The following SLC5A5 variants were observed in gnomAD, a reference collection of about 807,000 sequenced individuals.
SLC5A5 encodes sodium/iodide cotransporter.
In SLC5A5, 56 loss-of-function variants were observed where a neutral mutation model predicts 68.6. The observed-to-expected ratio is 0.82, with a 90% CI of 0.66 to 1.02. SLC5A5 has a LOEUF of 1.02. Ranked by LOEUF, SLC5A5 falls within the 50% of genes least tolerant of loss-of-function variation. The probability of loss-of-function intolerance (pLI) is 0.00; values close to 1 mark genes in which losing one functional copy is unlikely to be tolerated. For synonymous variants in SLC5A5, 398 were observed against 373.0 expected (o/e 1.07, Z -0.77); for missense variants, 807 against 859.8 (o/e 0.94, Z 0.77).
Position 17,883,732 on chromosome 19 carries a change from A to G in SLC5A5, c.1294A>G (p.Ile432Val), listed in dbSNP as rs778575428. 1 of 1,576,362 alleles carries G rather than the reference A, an allele frequency of 6.3e-7. No homozygotes were observed. Among genetic ancestry groups the G allele is most frequent in the East Asian group, 2.4e-5 (1 of 41,734 alleles). ...VISGPLLGAF[I>V]LGMFLPACNT... ...CAGCGGCCCCCTGCTGGGAGCCTTC[A>G]TCTTGGGAATGTTCCTGCCGGCCTG... Residue 432 changes from isoleucine (I) to valine (V), a missense_variant, in exon 11 of 15, where the codon ATC becomes GTC. Coordinates refer to ENST00000222248, the MANE Select transcript of SLC5A5 (RefSeq NM_000453.3).
At chr19:17,892,039 T>A (rs2030193133) in intron 14 of SLC5A5, among the ~76,000 whole-genome samples, 1 of 152,176 alleles carries the variant, frequency 6.6e-6, no homozygotes, top group African/African-American at 2.4e-5. Flanking sequence ...AGCTCACGCC[T>A]GTAATCCCAG....
Position 17,884,059 on chromosome 19 carries a change from G to T in SLC5A5, c.1526+13G>T. On this transcript the variant is annotated intron_variant, in intron 12 of 14. Coordinates refer to ENST00000222248, the MANE Select transcript of SLC5A5 (RefSeq NM_000453.3). ...GCAGGGCCCCCAGGTGAGCAGACTT[G>T]AGGGTAGGGGGGTACCCGAGCCCTG... The T allele has an allele frequency of 1.3e-6, 2 of 1,551,480 alleles. No individual in the cohort carries two copies. The highest frequency in any genetic ancestry group is 2.4e-5 in the East Asian group (1 of 42,182).
Position 17,877,816 on chromosome 19 carries a change from GC to G in SLC5A5, c.793del (p.Gln265ArgfsTer27). On this transcript the variant is annotated frameshift_variant, in exon 6 of 15. Transcript: ENST00000222248. Reference sequence around the variant, plus strand: ...TCTCCATGTATGGCGTGAACCAGGCGCAGGTGCAGCGCTACGTGGCTTGCCG... The same window carrying G: ...TCTCCATGTATGGCGTGAACCAGGCGAGGTGCAGCGCTACGTGGCTTGCCG... ...WLSMYGVNQA[Q>X]VQRYVACRTE... The G allele has an allele frequency of 6.2e-7, 1 of 1,614,206 alleles. No individual in the cohort carries two copies. The highest frequency in any genetic ancestry group is 8.5e-7 in the Non-Finnish European group (1 of 1,180,032).
At chr19:17,879,679 T>G (rs1442745312) in intron 7 of SLC5A5, among the ~76,000 whole-genome samples, 2 of 152,170 alleles carry the variant, frequency 1.3e-5, no homozygotes, top group Admixed American at 6.6e-5. Context: ...CAGTCCTCCC[T>G]GGAGGTCAGA....
In SLC5A5 at chr19:17,877,767, T is replaced by C. The variant is rs545753923; in HGVS notation, c.743T>C (p.Val248Ala). 5.3e-5 allele frequency: 86 copies of C among 1,614,254 alleles called. No homozygotes were observed. The South Asian group carries it at 8.7e-4, about 16-fold the overall frequency. The part of the protein sequence containing the change: ...PRSRYTFWTF[V>A]VGGTLVWLSM... ...AGCCGCTATACATTCTGGACTTTTGTGGTGGGTGGCACGTTGGTGTGGCTC... is the reference window on the plus strand; with the variant it reads ...AGCCGCTATACATTCTGGACTTTTGCGGTGGGTGGCACGTTGGTGTGGCTC... Residue 248 changes from valine to alanine, a missense_variant, in exon 6 of 15, where the codon GTG becomes GCG. Coordinates refer to ENST00000222248, the MANE Select transcript of SLC5A5 (RefSeq NM_000453.3).
At chr19:17,892,865 G>C (rs2030242862) in intron 14 of SLC5A5, among the ~76,000 whole-genome samples, 2 of 152,064 alleles carry the variant, frequency 1.3e-5, no homozygotes, top group Non-Finnish European at 1.5e-5. Context: ...ACCAGCCACA[G>C]ACAGGAACAG....
intron 12 of SLC5A5, among the ~76,000 whole-genome samples, chr19:17,884,510 A>C (rs1175041819): frequency 6.6e-6 from 1 of 151,628 alleles, no homozygotes; most frequent in Non-Finnish European, 1.5e-5. Context: ...AGTGGCTCAC[A>C]CCTGTAATCC....
rs1450971221 is a variant in SLC5A5 at position 17,874,514 on chromosome 19, A to C, written c.444A>C (p.Val148=). 6.2e-7 allele frequency: 1 copy of C among 1,613,908 alleles called. No individual in the cohort carries two copies. The highest frequency in any genetic ancestry group is 8.5e-7 in the Non-Finnish European group (1 of 1,179,986). ...TACAGATGCTGTACACCGGCATCGTAATCTACGCACCGGCCCTCATCCTGA... is the reference window on the plus strand; with the variant it reads ...TACAGATGCTGTACACCGGCATCGTCATCTACGCACCGGCCCTCATCCTGA... ...IVATMLYTGI[V]IYAPALILNQ... The change falls in exon 3 of 15, where the codon GTA becomes GTC. Residue 148 remains valine, a synonymous_variant. Coordinates refer to ENST00000222248, the MANE Select transcript of SLC5A5 (RefSeq NM_000453.3).
Position 17,872,614 on chromosome 19 carries a change from G to A in SLC5A5, c.295G>A (p.Val99Ile). The A allele has an allele frequency of 6.2e-7, 1 of 1,612,186 alleles. No individual in the cohort carries two copies. The highest frequency in any genetic ancestry group is 8.5e-7 in the Non-Finnish European group (1 of 1,179,850). Residue 99 changes from valine (V) to isoleucine (I), a missense_variant, in exon 1 of 15, where the codon GTC becomes ATC. Val to Ile is a conservative substitution (Grantham distance 29). Transcript: ENST00000222248. ...GTGCCTGGGCCAGCTTCTGAACTCGGTCCTCACCGCCCTGCTCTTCATGCC... is the reference window on the plus strand; with the variant it reads ...GTGCCTGGGCCAGCTTCTGAACTCGATCCTCACCGCCCTGCTCTTCATGCC... Reference protein sequence around the residue: ...WMCLGQLLNSVLTALLFMPVF... With the variant: ...WMCLGQLLNSILTALLFMPVF...
chr19:17,878,848 G>A (rs1180602358), intron 7 of SLC5A5, among the ~76,000 whole-genome samples: 1 of 151,046 alleles, frequency 6.6e-6, no homozygotes, highest in African/African-American at 2.4e-5. Context: ...GGTGATGCAT[G>A]CCTGTAATCC....
At chr19:17,877,888 G>A (rs371192730) in intron 6 of SLC5A5, 25 bp downstream of exon 6, 32 of 1,613,874 alleles carry the variant, frequency 2.0e-5, no homozygotes, top group East Asian at 4.5e-5. Flanking sequence ...GAGCAAGGTC[G>A]GGGTTTCTGG....
intron 13 of SLC5A5, among the ~76,000 whole-genome samples, chr19:17,890,369 C>G (rs1004299207): frequency 1.3e-5 from 2 of 152,088 alleles, no homozygotes; most frequent in African/African-American, 2.4e-5. Flanking sequence ...CGTGCCCAAC[C>G]TCCAATGATG....
In SLC5A5 at chr19:17,893,944, G is replaced by A; in HGVS notation, c.*67G>A. ...TCAGGATGGGCCAAACCCAGACAAC[G>A]GGCCCATGGCCTTGGGCTCTGATTG... On this transcript the variant is annotated 3_prime_UTR_variant, in exon 15 of 15. Transcript: ENST00000222248. The A allele has an allele frequency of 2.8e-6, 4 of 1,447,394 alleles. No homozygotes were observed. The highest frequency in any genetic ancestry group is 4.9e-5 in the East Asian group (2 of 40,432). 89.7% of individuals were successfully genotyped at this position (1,447,394 alleles called of 1,614,324 possible). A position where few individuals can be genotyped will look rare whatever the true frequency, so the allele number is the denominator to read the frequency against.
At chr19:17,889,282 C>T (rs1181681849) in intron 13 of SLC5A5, among the ~76,000 whole-genome samples, 1 of 151,772 alleles carries the variant, frequency 6.6e-6, no homozygotes, top group Non-Finnish European at 1.5e-5. Flanking sequence ...GCCTGTAATG[C>T]CAGCTACTTG....
chr19:17,888,356 G>T lies in SLC5A5; in HGVS notation c.1552G>T (p.Ala518Ser), dbSNP rs147583297. 6 of 1,613,760 alleles carry T rather than the reference G, an allele frequency of 3.7e-6. No homozygotes were observed. In the South Asian group the frequency reaches 5.5e-5, roughly 15 times the overall value. Residue 518 changes from alanine (A) to serine (S), a missense_variant, in exon 13 of 15, where the codon GCC (alanine) becomes TCC (serine). Coordinates refer to ENST00000222248, the MANE Select transcript of SLC5A5 (RefSeq NM_000453.3). ...CTCAGGAATGGACGCCAGCCGACCC[G>T]CCTTAGCTGACAGCTTCTATGCCAT... ...PSSGMDASRPALADSFYAISY... is the reference protein window; with the variant it reads ...PSSGMDASRPSLADSFYAISY...
rs1044005250 is a variant in SLC5A5, at chr19:17,894,111, C to T, written c.*234C>T. On this transcript the variant is annotated 3_prime_UTR_variant, in exon 15 of 15. Coordinates refer to ENST00000222248, the MANE Select transcript of SLC5A5 (RefSeq NM_000453.3). ...ATTAGACGCTGCAGCCCTGACGGCT[C>T]CCCCCAAATAAGGCTGGGTTTTTCT... 7.6e-6 allele frequency: 4 copies of T among 523,270 alleles called. No homozygotes were observed. Among genetic ancestry groups the T allele is most frequent in the African/African-American group, 5.8e-5 (3 of 51,468 alleles). The allele number at this position is 523,270 out of a possible 1,614,324, so 32.4% of individuals were successfully genotyped here. A position where few individuals can be genotyped will look rare whatever the true frequency, so the allele number is the denominator to read the frequency against.
chr19:17,883,553 CTG>C (rs1296265686), intron 10 of SLC5A5, 126 bp from the exon 11 acceptor site: 5 of 814,330 alleles, frequency 6.1e-6, no homozygotes, highest in African/African-American at 1.7e-5. Flanking sequence ...TTTAGGGAAA[CTG>C]AGACACAGAG....
chr19:17,878,474 C>T (rs1335497931), intron 7 of SLC5A5, among the ~76,000 whole-genome samples: 1 of 151,834 alleles, frequency 6.6e-6, no homozygotes, highest in East Asian at 2.0e-4. Context: ...CACTACACTC[C>T]ACCTTGGATG....
intron 13 of SLC5A5, among the ~76,000 whole-genome samples, chr19:17,889,413 A>AGAAG (rs566834926): frequency 0.16 from 22,227 of 137,580 alleles, 2,116 homozygotes; most frequent in Middle Eastern, 0.21. Flanking sequence ...AAAGAAAGAA[A>AGAAG]GAAGGAAGGA....
Sources: gnomAD v4.1 joint callset for allele counts (sites outside exome capture counted in the v4.1 genomes callset) on GRCh38, gnomAD v4.1.1 for gene constraint, MANE v1.5 for transcripts, NCBI Gene and HGNC (gene_info 2026-07-23, HGNC 2026-07-21) for gene names.